The following AOPEP variants were observed in gnomAD, a reference collection of about 807,000 sequenced individuals.
AOPEP encodes the protein aminopeptidase O.
AOPEP carries 77 observed loss-of-function variants against 98.1 expected under a neutral mutation model. That is an observed-to-expected ratio of 0.78 (90% CI 0.65 to 0.95). AOPEP has a LOEUF of 0.95. Ranked by LOEUF, AOPEP falls within the 40% of genes least tolerant of loss-of-function variation. AOPEP has a pLI of 0.00. For synonymous variants in AOPEP, 346 were observed against 365.3 expected, an observed-to-expected ratio of 0.95 and a Z score of 0.60; for missense variants, 1,024 against 1,024.7, an observed-to-expected ratio of 1.00 and a Z score of 0.01.
At chr9:94,772,012 C>T (rs79981554) in intron 2 of AOPEP, among the ~76,000 whole-genome samples, 1,737 of 152,230 alleles carry the variant, frequency 0.011, 35 homozygotes, top group African/African-American at 0.039. Flanking sequence ...TGTGTTTTCT[C>T]GCACACTGTG....
chr9:94,765,260 C>T (rs1455644780), intron 2 of AOPEP, among the ~76,000 whole-genome samples: 1 of 151,726 alleles, frequency 6.6e-6, no homozygotes, highest in Non-Finnish European at 1.5e-5. Flanking sequence ...ACTGACTGCG[C>T]CCAGCCTTAT....
intron 7 of AOPEP, among the ~76,000 whole-genome samples, chr9:94,933,909 C>T (rs1158555817): frequency 6.6e-6 from 1 of 151,764 alleles, no homozygotes; most frequent in Non-Finnish European, 1.5e-5. Flanking sequence ...CACCACACCA[C>T]GGCTAATTTT....
chr9:94,947,139 G>A (rs1306904917), intron 7 of AOPEP, among the ~76,000 whole-genome samples: 1 of 150,860 alleles, frequency 6.6e-6, no homozygotes, highest in Non-Finnish European at 1.5e-5. Flanking sequence ...ACCACGCCCG[G>A]CTAATTTTTT....
intron 5 of AOPEP, among the ~76,000 whole-genome samples, chr9:94,864,049 G>T (rs977617404): frequency 2.0e-5 from 3 of 152,094 alleles, no homozygotes; most frequent in Non-Finnish European, 4.4e-5. Context: ...CCCACACATG[G>T]GCCAATTTGG....
chr9:95,023,225 G>A (rs2063595117), intron 13 of AOPEP, among the ~76,000 whole-genome samples: 1 of 152,218 alleles, frequency 6.6e-6, no homozygotes, highest in Non-Finnish European at 1.5e-5. Context: ...TATCTGTGGT[G>A]TGTTATGGGA....
At chr9:94,991,382 A>G (rs1026918697) in intron 11 of AOPEP, among the ~76,000 whole-genome samples, 2 of 152,232 alleles carry the variant, frequency 1.3e-5, no homozygotes, top group African/African-American at 4.8e-5. Context: ...CTTGCTGTAG[A>G]ATCACAGGCT....
At chr9:94,813,766 A>G (rs1851125765) in intron 5 of AOPEP, among the ~76,000 whole-genome samples, 1 of 152,198 alleles carries the variant, frequency 6.6e-6, no homozygotes, top group Non-Finnish European at 1.5e-5. Flanking sequence ...GCTTGAGCTG[A>G]GCTGCAGAAA....
chr9:94,883,989 A>G (rs553411687), intron 5 of AOPEP, among the ~76,000 whole-genome samples: 70 of 152,244 alleles, frequency 4.6e-4, no homozygotes. Context: ...TCAGGACTAG[A>G]CCCCAAGATA....
chr9:94,773,791 G>A (rs2132883643), intron 3 of AOPEP, among the ~76,000 whole-genome samples: 1 of 152,186 alleles, frequency 6.6e-6, no homozygotes, highest in African/African-American at 2.4e-5. Context: ...TGAGAGACAG[G>A]GTCTCGCTCT....
At chr9:95,015,382 A>G (rs534384192) in intron 13 of AOPEP, among the ~76,000 whole-genome samples, 176 of 152,310 alleles carry the variant, frequency 1.2e-3, no homozygotes, top group Admixed American at 2.1e-3. Flanking sequence ...CGATTTGGAA[A>G]CCCAAGGCCA....
At chr9:95,085,994 T>G in intron 16 of AOPEP, 5 of 1,364,238 alleles carry the variant, frequency 3.7e-6, no homozygotes, top group Non-Finnish European at 3.9e-6. Flanking sequence ...GAGGCGCTGC[T>G]TCTCCGGGCT....
chr9:95,015,922 G>A (rs1429764728), intron 13 of AOPEP, among the ~76,000 whole-genome samples: 1 of 152,040 alleles, frequency 6.6e-6, no homozygotes, highest in Non-Finnish European at 1.5e-5. Context: ...GGGTGGTCTC[G>A]AACTCCTGAC....
intron 5 of AOPEP, among the ~76,000 whole-genome samples, chr9:94,835,088 C>A (rs2041418366): frequency 6.6e-6 from 1 of 152,118 alleles, no homozygotes. Context: ...TGGTCATTTG[C>A]TTTTCAACAG....
chr9:94,828,200 A>G (rs960452936), intron 5 of AOPEP, among the ~76,000 whole-genome samples: 1 of 152,158 alleles, frequency 6.6e-6, no homozygotes, highest in Non-Finnish European at 1.5e-5. Context: ...TGACGCACAG[A>G]AGTCTTTATA....
At chr9:94,857,762 G>C (rs1262155155) in intron 5 of AOPEP, among the ~76,000 whole-genome samples, 3 of 152,142 alleles carry the variant, frequency 2.0e-5, no homozygotes. Flanking sequence ...CATGGAATGT[G>C]ATTATTTAGC....
chr9:95,007,680 G>C (rs1272685325), intron 13 of AOPEP, among the ~76,000 whole-genome samples: 1 of 152,220 alleles, frequency 6.6e-6, no homozygotes, highest in Non-Finnish European at 1.5e-5. Flanking sequence ...AATATGAACT[G>C]TCAGTGTTTC....
At chr9:95,140,476 A>AAAAAC in the AOPEP span, among the ~76,000 whole-genome samples, 29,300 of 151,704 alleles carry the variant, frequency 0.19, 2,922 homozygotes, top group Middle Eastern at 0.3. Context: ...ATAGCTACAA[A>AAAAAC]AAAACAAAAC....
At chr9:94,779,431 C>T (rs1018380578) in intron 3 of AOPEP, among the ~76,000 whole-genome samples, 1 of 152,112 alleles carries the variant, frequency 6.6e-6, no homozygotes, top group African/African-American at 2.4e-5. Flanking sequence ...GACAATGTTT[C>T]CCAAACTTGA....
chr9:95,125,020 T>C, the AOPEP span: 1 of 1,393,706 alleles, frequency 7.2e-7, no homozygotes. Context: ...AGTGCTCTTG[T>C]CCAAAATACT....
Sources: gnomAD v4.1 joint callset for allele counts (sites outside exome capture counted in the v4.1 genomes callset) on GRCh38, gnomAD v4.1.1 for gene constraint, MANE v1.5 for transcripts, NCBI Gene and HGNC (gene_info 2026-07-23, HGNC 2026-07-21) for gene names.